The following TRPC1 variants were observed in gnomAD, a reference collection of about 807,000 sequenced individuals.
TRPC1 encodes transient receptor potential cation channel subfamily C member 1.
In TRPC1, 42 loss-of-function variants were observed where a neutral mutation model predicts 88.2. That is an observed-to-expected ratio of 0.48 (90% CI 0.37 to 0.62). The LOEUF (loss-of-function observed/expected upper bound fraction) is 0.62, where lower values mean the gene tolerates loss of function less well. TRPC1 is among the 20% of genes least tolerant of loss of function. The probability of loss-of-function intolerance (pLI) is 0.00; values close to 1 mark genes in which losing one functional copy is unlikely to be tolerated. For missense variants in TRPC1, 699 were observed against 957.3 expected, an observed-to-expected ratio of 0.73 and a Z score of 3.56; for synonymous variants, 288 against 331.8, an observed-to-expected ratio of 0.87 and a Z score of 1.43.
intron 4 of TRPC1, among the ~76,000 whole-genome samples, chr3:142,753,196 C>G (rs976129480): frequency 6.6e-6 from 1 of 152,116 alleles, no homozygotes; most frequent in African/African-American, 2.4e-5. Context: ...GGTTGGGGGA[C>G]AAACTTGTTT....
chr3:142,725,368 C>T (rs1409226561), intron 1 of TRPC1, among the ~76,000 whole-genome samples: 2 of 152,112 alleles, frequency 1.3e-5, no homozygotes, highest in Admixed American at 6.5e-5. Context: ...TACGGAACGC[C>T]TTTGATTGTT....
At chr3:142,751,372 AC>A (rs1380198261) in intron 4 of TRPC1, among the ~76,000 whole-genome samples, 1 of 152,168 alleles carries the variant, frequency 6.6e-6, no homozygotes, top group African/African-American at 2.4e-5. Context: ...CTATTGTGTT[AC>A]AGTTACCTAC....
At chr3:142,748,875 GT>G (rs1481788090) in intron 4 of TRPC1, among the ~76,000 whole-genome samples, 5 of 152,216 alleles carry the variant, frequency 3.3e-5, no homozygotes, top group Admixed American at 6.5e-5. Flanking sequence ...CTCACACAAT[GT>G]TCAAGTCTTT....
At position 142,807,373 on chromosome 3, in the gene TRPC1, T is replaced by C. The variant is rs1936825497; in HGVS notation, c.*1138T>C. The C allele has an allele frequency of 6.6e-6, 1 of 152,202 alleles. No individual in the cohort carries two copies. The highest frequency in any genetic ancestry group is 1.9e-4 in the East Asian group (1 of 5,198). 9.4% of individuals were successfully genotyped at this position (152,202 alleles called of 1,614,324 possible). A position where few individuals can be genotyped will look rare whatever the true frequency, so the allele number is the denominator to read the frequency against. On this transcript the variant is annotated 3_prime_UTR_variant, in exon 13 of 13. Transcript: ENST00000476941. ...AAAATTAGAGAATAAAATATGTATT[T>C]AAATTTTTGGTGTGTTCACATAAAG...
At chr3:142,726,662 AAG>A (rs1560088230) in intron 1 of TRPC1, among the ~76,000 whole-genome samples, 1 of 152,242 alleles carries the variant, frequency 6.6e-6, no homozygotes, top group Non-Finnish European at 1.5e-5. Context: ...TACATTTAAA[AAG>A]TAACTTTGAG....
chr3:142,744,562 C>T lies in TRPC1; in HGVS notation c.429+976C>T, dbSNP rs1577954218. Among the ~76,000 whole-genome samples, 5 of 152,046 alleles carry T rather than the reference C, an allele frequency of 3.3e-5. No individual in the cohort carries two copies. In the South Asian group the frequency reaches 1.0e-3, roughly 32 times the overall value. ...ATGGAATATTATGCAGTCATTAAAACAGTACTTTTAAAAGAATAGTTAGGA... is the reference window on the plus strand; with the variant it reads ...ATGGAATATTATGCAGTCATTAAAATAGTACTTTTAAAAGAATAGTTAGGA... On this transcript the variant is annotated intron_variant, in intron 3 of 12. Coordinates refer to ENST00000476941, the MANE Select transcript of TRPC1 (RefSeq NM_001251845.2).
chr3:142,739,254 G>T (rs1205187678), intron 2 of TRPC1, among the ~76,000 whole-genome samples: 2 of 152,126 alleles, frequency 1.3e-5, no homozygotes, highest in Non-Finnish European at 2.9e-5. Flanking sequence ...GATTACAGGT[G>T]TGAGCCACTG....
intron 5 of TRPC1, among the ~76,000 whole-genome samples, chr3:142,780,286 C>T (rs562236255): frequency 2.0e-5 from 3 of 152,262 alleles, no homozygotes; most frequent in South Asian, 4.1e-4. Flanking sequence ...TTGTTAGGCG[C>T]ATTTTAATAT....
intron 1 of TRPC1, among the ~76,000 whole-genome samples, chr3:142,734,910 A>T (rs1377064715): frequency 2.0e-5 from 3 of 152,266 alleles, no homozygotes; most frequent in African/African-American, 7.2e-5. Context: ...TACTACTAAG[A>T]TGTTGAAATA....
intron 2 of TRPC1, among the ~76,000 whole-genome samples, chr3:142,743,118 T>G (rs1577952618): frequency 6.6e-6 from 1 of 152,136 alleles, no homozygotes; most frequent in Non-Finnish European, 1.5e-5. Context: ...ACAGTTTCTT[T>G]TATAGATTTG....
chr3:142,770,730 G>A (rs1216488560), intron 4 of TRPC1, among the ~76,000 whole-genome samples: 1 of 151,972 alleles, frequency 6.6e-6, no homozygotes, highest in Non-Finnish European at 1.5e-5. Context: ...TCTGCTTTTT[G>A]TTTCTTATGT....
intron 1 of TRPC1, among the ~76,000 whole-genome samples, chr3:142,725,781 TTGTA>T (rs1224829054): frequency 6.6e-6 from 1 of 152,154 alleles, no homozygotes; most frequent in Non-Finnish European, 1.5e-5. Context: ...GTTTGTTTGT[TTGTA>T]TGTGTGAATG....
intron 3 of TRPC1, 54 bp downstream of exon 3, chr3:142,743,640 T>C: frequency 9.1e-7 from 1 of 1,097,090 alleles, no homozygotes; most frequent in Non-Finnish European, 1.2e-6. Flanking sequence ...AATAGATCTC[T>C]TGCCCCATTG....
chr3:142,772,953 T>C (rs1213882711), intron 4 of TRPC1, among the ~76,000 whole-genome samples: 1 of 152,122 alleles, frequency 6.6e-6, no homozygotes, highest in Non-Finnish European at 1.5e-5. Context: ...CACATGACAT[T>C]CTCCCTGTTT....
rs1312972962 is a variant in TRPC1, at chr3:142,767,118, T to C, written c.633-10514T>C. On this transcript the variant is annotated intron_variant, in intron 4 of 12. Transcript: ENST00000476941. The surrounding 1 kb of genome is among the most constrained non-coding windows in gnomAD (Gnocchi z 5.1). The stretch of plus-strand genomic sequence containing the variant: ...CTCCATTTAATAGGTTTCATTTAAT[T>C]TCTCTCAGCAATATTTTGTAATCCC... Among the ~76,000 whole-genome samples, 1 of 152,166 alleles carries C rather than the reference T, an allele frequency of 6.6e-6. No homozygotes were observed. The highest frequency in any genetic ancestry group is 1.5e-5 in the Non-Finnish European group (1 of 68,018).
chr3:142,769,339 A>G (rs889955124), intron 4 of TRPC1, among the ~76,000 whole-genome samples: 2 of 151,830 alleles, frequency 1.3e-5, no homozygotes. Context: ...CTGATTTGAG[A>G]TCTTTCTTCT....
intron 4 of TRPC1, among the ~76,000 whole-genome samples, chr3:142,757,682 A>G (rs899505871): frequency 1.3e-5 from 2 of 151,998 alleles, no homozygotes; most frequent in African/African-American, 4.8e-5. Flanking sequence ...ATTAGGGCAA[A>G]TACCTAATGC....
chr3:142,805,159 CACACACACACAT>C (rs1936756583), intron 12 of TRPC1, among the ~76,000 whole-genome samples: 2 of 148,524 alleles, frequency 1.3e-5, no homozygotes, highest in African/African-American at 2.6e-5. Flanking sequence ...CACACACACA[CACACACACACAT>C]ATAATTATTA....
intron 4 of TRPC1, among the ~76,000 whole-genome samples, chr3:142,775,226 T>A (rs1343036384): frequency 6.6e-6 from 1 of 152,222 alleles, no homozygotes; most frequent in African/African-American, 2.4e-5. Context: ...AGTAAGACAT[T>A]AAACCTATAA....
Sources: allele counts gnomAD v4.1 joint callset (sites outside exome capture counted in the v4.1 genomes callset), GRCh38; gene constraint gnomAD v4.1.1; non-coding constraint Gnocchi (gnomAD v3.1); transcripts MANE v1.5; gene names NCBI Gene and HGNC (gene_info 2026-07-23, HGNC 2026-07-21).